Variants in PHF20 observed in about 807,000 individuals in gnomAD.
PHF20 encodes the protein PHD finger protein 20.
A neutral mutation model predicts 113.5 loss-of-function variants in PHF20; 23 were observed. The ratio of observed to expected loss-of-function variants is 0.20; its 90% CI spans 0.15 to 0.29. The LOEUF is 0.29. Among genes scored for constraint, PHF20 ranks in the 10% least tolerant of loss-of-function variants. PHF20 has a pLI of 1.00. For missense variants in PHF20, 943 were observed against 1,219.6 expected (o/e 0.77, Z 3.38); for synonymous variants, 434 against 457.3 (o/e 0.95, Z 0.65).
At chr20:35,932,160 T>C (rs1484575808) in intron 15 of PHF20, among the ~76,000 whole-genome samples, 2 of 141,374 alleles carry the variant, frequency 1.4e-5, no homozygotes, top group Non-Finnish European at 3.1e-5. Flanking sequence ...CTCCACCTCC[T>C]GGGTTCAAGC....
intron 4 of PHF20, among the ~76,000 whole-genome samples, chr20:35,851,690 G>A (rs921089952): frequency 1.3e-5 from 2 of 151,738 alleles, no homozygotes; most frequent in South Asian, 2.1e-4. Flanking sequence ...CCGGGGCAGC[G>A]GATTACCTGA....
intron 1 of PHF20, among the ~76,000 whole-genome samples, chr20:35,779,532 T>G (rs1263398067): frequency 7.9e-5 from 12 of 151,942 alleles, no homozygotes; most frequent in Admixed American, 5.9e-4. Flanking sequence ...TTTCTTTTTT[T>G]TTTTTTGTTG....
chr20:35,878,710 T>C (rs2054574391), intron 9 of PHF20: 2 of 768,774 alleles, frequency 2.6e-6, no homozygotes, highest in African/African-American at 1.7e-5. Context: ...GTATCGAGAA[T>C]TCTGGGCAAA....
chr20:35,902,795 C>A (rs1262705046), intron 10 of PHF20, among the ~76,000 whole-genome samples: 1 of 152,180 alleles, frequency 6.6e-6, no homozygotes, highest in Non-Finnish European at 1.5e-5. Flanking sequence ...TACCTCATAA[C>A]TTTGTTACAC....
chr20:35,839,615 A>G (rs1487968471), intron 2 of PHF20, among the ~76,000 whole-genome samples: 1 of 152,162 alleles, frequency 6.6e-6, no homozygotes. Flanking sequence ...GTCAGATCAG[A>G]CAATTAGCCA....
chr20:35,920,740 A>G (rs2055495808), intron 13 of PHF20, among the ~76,000 whole-genome samples: 1 of 152,218 alleles, frequency 6.6e-6, no homozygotes, highest in Non-Finnish European at 1.5e-5. Context: ...GCGCATGTAC[A>G]TACACACATA....
At chr20:35,894,899 A>T (rs1398713421) in intron 9 of PHF20, among the ~76,000 whole-genome samples, 1 of 152,184 alleles carries the variant, frequency 6.6e-6, no homozygotes, top group African/African-American at 2.4e-5. Context: ...CTTGTCACCC[A>T]GGCTAGAGTG....
intron 9 of PHF20, among the ~76,000 whole-genome samples, chr20:35,875,271 G>A (rs1206161909): frequency 6.6e-6 from 1 of 152,036 alleles, no homozygotes; most frequent in Admixed American, 6.6e-5. Context: ...GGTGGCGCAC[G>A]CCTGTAGTCC....
chr20:35,919,245 G>A (rs1031478802), intron 13 of PHF20, among the ~76,000 whole-genome samples: 170 of 152,072 alleles, frequency 1.1e-3, no homozygotes, highest in African/African-American at 2.5e-3. Context: ...TGGAACTCCC[G>A]ACCTCAGGTG....
intron 10 of PHF20, among the ~76,000 whole-genome samples, chr20:35,910,795 AT>A (rs1215320819): frequency 6.6e-6 from 1 of 151,490 alleles, no homozygotes; most frequent in African/African-American, 2.4e-5. Context: ...CACCCAGCTA[AT>A]TTTTGTATTT....
At chr20:35,890,253 C>T (rs909010371) in intron 9 of PHF20, among the ~76,000 whole-genome samples, 3 of 152,116 alleles carry the variant, frequency 2.0e-5, no homozygotes, top group East Asian at 1.9e-4. Context: ...TGGTCTTAAA[C>T]TCCTGGGCTC....
At chr20:35,810,849 A>G (rs2041964155) in intron 2 of PHF20, among the ~76,000 whole-genome samples, 1 of 152,118 alleles carries the variant, frequency 6.6e-6, no homozygotes, top group Non-Finnish European at 1.5e-5. Flanking sequence ...GCCAAAAACA[A>G]TGGAGCGTTT....
chr20:35,889,341 A>C (rs888976732), intron 9 of PHF20, among the ~76,000 whole-genome samples: 18 of 151,330 alleles, frequency 1.2e-4, no homozygotes, highest in African/African-American at 4.1e-4. Context: ...TTTTGCTCGT[A>C]ATATTTTGGG....
At chr20:35,913,108 C>T (rs897779626) in intron 10 of PHF20, 141 bp from the exon 11 acceptor site, 1 of 395,598 alleles carries the variant, frequency 2.5e-6, no homozygotes, top group African/African-American at 2.2e-5. Context: ...GGAGGCGTGG[C>T]TCTGCCTCCA....
intron 9 of PHF20, among the ~76,000 whole-genome samples, chr20:35,896,081 ATG>A (rs10633976): frequency 0.11 from 15,779 of 142,574 alleles, 890 homozygotes; most frequent in Admixed American, 0.18. Flanking sequence ...ATGCTTTGGG[ATG>A]TGTGTGTGTG....
chr20:35,884,526 CTA>C (rs1209775292), intron 9 of PHF20, among the ~76,000 whole-genome samples: 2 of 152,214 alleles, frequency 1.3e-5, no homozygotes, highest in Non-Finnish European at 2.9e-5. Flanking sequence ...TTCACCAGGA[CTA>C]TATGTCGGTG....
At chr20:35,828,075 G>A (rs2042295323) in intron 2 of PHF20, among the ~76,000 whole-genome samples, 1 of 152,014 alleles carries the variant, frequency 6.6e-6, no homozygotes, top group South Asian at 2.1e-4. Flanking sequence ...CCAGGCTGGA[G>A]TGCAATGGCA....
intron 13 of PHF20, among the ~76,000 whole-genome samples, chr20:35,924,263 C>T (rs549915917): frequency 1.5e-4 from 22 of 142,198 alleles, no homozygotes; most frequent in African/African-American, 4.5e-4. Context: ...GGTGTGATCT[C>T]GGCTCACTAC....
At position 35,873,133 on chromosome 20, in the gene PHF20, G is replaced by C. The variant is rs184866717; in HGVS notation, c.1282+1304G>C. On this transcript the variant is annotated intron_variant, in intron 9 of 17. Transcript: ENST00000374012. Reference sequence around the variant, plus strand: ...TTTTTTTTTTTTGAGACAGAATCTTGCTTTGTCACACAGGCTGGAGTGCAG... The same window carrying C: ...TTTTTTTTTTTTGAGACAGAATCTTCCTTTGTCACACAGGCTGGAGTGCAG... Among the ~76,000 whole-genome samples the C allele has an allele frequency of 2.8e-5, 4 of 144,806 alleles. No individual in the cohort carries two copies. The Admixed American group carries it at 2.8e-4, about 10-fold the overall frequency. The allele number at this position is 144,806 out of a possible 152,430, so 95.0% of individuals were successfully genotyped here.
Sources: gnomAD v4.1 joint callset for allele counts (sites outside exome capture counted in the v4.1 genomes callset) on GRCh38, gnomAD v4.1.1 for gene constraint, MANE v1.5 for transcripts, NCBI Gene and HGNC (gene_info 2026-07-23, HGNC 2026-07-21) for gene names.